Variants in COL11A1 observed in about 807,000 individuals in gnomAD.
COL11A1 encodes the protein collagen type XI alpha 1 chain.
Under a neutral mutation model 265.2 loss-of-function variants are expected in COL11A1, and 74 were observed. The observed-to-expected ratio is 0.28, with a 90% CI of 0.23 to 0.34. The LOEUF (loss-of-function observed/expected upper bound fraction) is 0.34. Among genes scored for constraint, COL11A1 ranks in the 10% least tolerant of loss-of-function variants. COL11A1 has a pLI of 1.00. For missense variants in COL11A1, 2,165 were observed against 2,263.6 expected, an observed-to-expected ratio of 0.96 and a Z score of 0.88; for synonymous variants, 816 against 727.6, an observed-to-expected ratio of 1.12 and a Z score of -1.96.
chr1:102,906,059 A>G (rs2100979777), intron 54 of COL11A1, among the ~76,000 whole-genome samples: 1 of 152,298 alleles, frequency 6.6e-6, no homozygotes, highest in East Asian at 1.9e-4. Flanking sequence ...AAATGATACT[A>G]CAATTGGAAA....
At chr1:102,980,965 C>A (rs762742575) in intron 31 of COL11A1, among the ~76,000 whole-genome samples, 3 of 152,034 alleles carry the variant, frequency 2.0e-5, no homozygotes, top group Admixed American at 6.6e-5. Flanking sequence ...AACTATTTGG[C>A]CCTATTCCCA....
intron 46 of COL11A1, among the ~76,000 whole-genome samples, chr1:102,930,004 G>C (rs1377875793): frequency 6.6e-6 from 1 of 151,970 alleles, no homozygotes; most frequent in African/African-American, 2.4e-5. Flanking sequence ...GAGACAATGG[G>C]GTTTTCTAGA....
At position 102,979,385 on chromosome 1, in the gene COL11A1, T is replaced by C. The variant is rs1221920247; in HGVS notation, c.2607A>G (p.Ala869=). 2 of 1,607,336 alleles carry C rather than the reference T, an allele frequency of 1.2e-6. No individual in the cohort carries two copies. The highest frequency in any genetic ancestry group is 1.7e-6 in the Non-Finnish European group (2 of 1,174,016). ...AAAACATATTTATATATCATACCCG[T>C]GCACCTTTCTCTCCATTGGCACCTG... ...GFPGANGEKG[A]RGVAGKPGPR... is the part of the protein sequence containing the mutation. Residue 869 remains alanine (A), a synonymous_variant, in exon 32 of 67, where the codon GCA becomes GCG. Coordinates refer to ENST00000370096, the MANE Select transcript of COL11A1 (RefSeq NM_001854.4).
At position 103,108,445 on chromosome 1, in the gene COL11A1, T is replaced by C; in HGVS notation, c.-267A>G. 3.3e-6 allele frequency: 2 copies of C among 601,486 alleles called. No homozygotes were observed. Among genetic ancestry groups the C allele is most frequent in the Non-Finnish European group, 5.9e-6 (2 of 338,920 alleles). The allele number at this position is 601,486 out of a possible 1,614,324, so 37.3% of individuals were successfully genotyped here. On this transcript the variant is annotated 5_prime_UTR_variant, in exon 1 of 67. An upstream open reading frame in the 5' UTR loses its in-frame stop. Transcript: ENST00000370096. ...ATCCTTCCTCTGCCGGGCCCTGCCT[T>C]CAGAATGAAGGCAGATGAGGGGCTT...
Position 103,029,913 on chromosome 1 carries a change from C to T in COL11A1, c.780+1203G>A, listed in dbSNP as rs1304102390. 4.6e-5 allele frequency among the ~76,000 whole-genome samples: 7 copies of T among 152,048 alleles called. No individual in the cohort carries two copies. In the East Asian group the frequency reaches 7.7e-4, roughly 17 times the overall value. On this transcript the variant is annotated intron_variant, in intron 5 of 66. Coordinates refer to ENST00000370096, the MANE Select transcript of COL11A1 (RefSeq NM_001854.4). ...ACCTCCCTTCTTCCAAAAATCAGAG[C>T]CATATCTGTTGCTAAAAAGAATAAT...
chr1:103,024,508 A>G (rs1401121704), intron 7 of COL11A1, among the ~76,000 whole-genome samples: 27 of 152,104 alleles, frequency 1.8e-4, no homozygotes, highest in Non-Finnish European at 4.4e-5. Flanking sequence ...ATGTCCAATA[A>G]CCGTAATTTT....
chr1:103,055,550 G>A (rs1286312126), intron 4 of COL11A1, among the ~76,000 whole-genome samples: 1 of 152,128 alleles, frequency 6.6e-6, no homozygotes, highest in African/African-American at 2.4e-5. Flanking sequence ...AGACTTAACT[G>A]TGAGATAATA....
intron 1 of COL11A1, among the ~76,000 whole-genome samples, chr1:103,083,710 C>T (rs745742419): frequency 3.3e-5 from 5 of 152,206 alleles, no homozygotes; most frequent in East Asian, 1.9e-4. Flanking sequence ...TGTAATTTAT[C>T]GATTTTTATT....
intron 4 of COL11A1, among the ~76,000 whole-genome samples, chr1:103,051,839 AG>A (rs1249585636): frequency 1.3e-5 from 2 of 152,224 alleles, no homozygotes; most frequent in African/African-American, 4.8e-5. Flanking sequence ...AGTATAGAAA[AG>A]ATGGTGAAAT....
chr1:103,095,193 T>A (rs1323403476), intron 1 of COL11A1, among the ~76,000 whole-genome samples: 1 of 152,074 alleles, frequency 6.6e-6, no homozygotes, highest in Non-Finnish European at 1.5e-5. Context: ...TGGGAATTAT[T>A]GGATATAGAT....
intron 4 of COL11A1, among the ~76,000 whole-genome samples, chr1:103,043,402 CA>C (rs1374918241): frequency 6.6e-6 from 1 of 151,792 alleles, no homozygotes; most frequent in African/African-American, 2.4e-5. Context: ...CTTACTTAAC[CA>C]GTCAATCTAT....
At position 102,940,335 on chromosome 1, in the gene COL11A1, C is replaced by T. The variant is rs760385978; in HGVS notation, c.3376G>A (p.Gly1126Arg). The T allele has an allele frequency of 8.1e-6, 13 of 1,613,140 alleles. No individual in the cohort carries two copies. Among genetic ancestry groups the T allele is most frequent in the Middle Eastern group, 3.3e-4 (2 of 6,076 alleles). ...AGPAGSPGED[G>R]DKGEIGEPGQ... is the part of the protein sequence containing the mutation. ...GAATAATGAATACCAACCTTGTCTC[C>T]GTCTTCCCCAGGGGAGCCGGCAGGA... is the stretch of plus-strand genomic sequence containing the variant. The change falls in exon 43 of 67, where the codon GGA becomes AGA. Residue 1126 changes from glycine (G) to arginine (R), a missense_variant. Transcript: ENST00000370096.
At position 103,022,850 on chromosome 1, in the gene COL11A1, G is replaced by C. The variant is rs745798103; in HGVS notation, c.1137C>G (p.Gly379=). The C allele has an allele frequency of 1.2e-6, 2 of 1,613,566 alleles. No individual in the cohort carries two copies. Among genetic ancestry groups the C allele is most frequent in the African/African-American group, 2.7e-5 (2 of 74,870 alleles). The change falls in exon 8 of 67, where the codon GGC becomes GGG. Residue 379 remains glycine (G), a synonymous_variant. Coordinates refer to ENST00000370096, the MANE Select transcript of COL11A1 (RefSeq NM_001854.4). ...CTTTATATTCATAAAAATCATATTC[G>C]CCTAAATCTCCATCTACCAGAAGAT... ...DSDLLVDGDL[G]EYDFYEYKEY...
chr1:102,909,190 C>A (rs1293489598), intron 54 of COL11A1, among the ~76,000 whole-genome samples: 2 of 152,066 alleles, frequency 1.3e-5, no homozygotes, highest in African/African-American at 4.8e-5. Context: ...GCTTCTCACT[C>A]TGTTAGTTCC....
At chr1:103,065,522 C>CAAAAAAAAAAAAAA (rs138446065) in intron 4 of COL11A1, among the ~76,000 whole-genome samples, 4 of 35,360 alleles carry the variant, frequency 1.1e-4, no homozygotes, top group African/African-American at 5.5e-4. Flanking sequence ...GACTCCGTCT[C>CAAAAAAAAAAAAAA]AAAAAAAAAA....
chr1:103,108,254 G>A lies in COL11A1; in HGVS notation c.-76C>T. On this transcript the variant is annotated 5_prime_UTR_variant, in exon 1 of 67. Coordinates refer to ENST00000370096, the MANE Select transcript of COL11A1 (RefSeq NM_001854.4). ...GCAGACCAACTTCGTCCTTTCCAAG[G>A]TATCGCCAGGGATGTTTGCTACACA... The A allele has an allele frequency of 5.4e-6, 6 of 1,112,098 alleles. No individual in the cohort carries two copies. The highest frequency in any genetic ancestry group is 2.4e-5 in the East Asian group (1 of 41,906). The allele number at this position is 1,112,098 out of a possible 1,614,324, so 68.9% of individuals were successfully genotyped here.
At chr1:102,951,850 T>C (rs949091944) in intron 41 of COL11A1, among the ~76,000 whole-genome samples, 3 of 152,148 alleles carry the variant, frequency 2.0e-5, no homozygotes, top group African/African-American at 7.2e-5. Flanking sequence ...TGAATGTATA[T>C]TTTCCCTGTA....
chr1:103,004,703 T>C, intron 18 of COL11A1, 42 bp from the exon 19 acceptor site: 1 of 1,526,380 alleles, frequency 6.6e-7, no homozygotes, highest in Non-Finnish European at 9.0e-7. Context: ...TGGAAAGAAG[T>C]AGAATGTTTA....
intron 24 of COL11A1, 45 bp from the exon 25 acceptor site, chr1:102,998,408 A>C (rs761234678): frequency 7.1e-7 from 1 of 1,416,954 alleles, no homozygotes. Context: ...AATAATTTTA[A>C]AAAGCTTTAA....
Sources: allele counts gnomAD v4.1 joint callset (sites outside exome capture counted in the v4.1 genomes callset), GRCh38; gene constraint gnomAD v4.1.1; transcripts MANE v1.5; gene names NCBI Gene and HGNC (gene_info 2026-07-23, HGNC 2026-07-21).